TRPM6: variants seen among roughly 807,000 people sequenced by gnomAD.
The protein encoded by TRPM6 is transient receptor potential cation channel subfamily M member 6, also known as channel kinase 2.
TRPM6 carries 111 observed loss-of-function variants against 247.6 expected under a neutral mutation model. That is an observed-to-expected ratio of 0.45 (90% CI 0.38 to 0.52). TRPM6 has a LOEUF of 0.52. TRPM6 is among the 20% of genes least tolerant of loss of function. TRPM6 has a pLI of 0.00. For missense variants in TRPM6, 2,126 were observed against 2,421.5 expected, an observed-to-expected ratio of 0.88 and a Z score of 2.56; for synonymous variants, 892 against 853.8, an observed-to-expected ratio of 1.04 and a Z score of -0.78.
chr9:74,795,592 G>A (rs889694667), intron 18 of TRPM6, among the ~76,000 whole-genome samples: 8 of 152,084 alleles, frequency 5.3e-5, no homozygotes, highest in Non-Finnish European at 1.2e-4. Context: ...CGTCAAGTCA[G>A]GCTCAAACAC....
At chr9:74,787,563 A>G (rs1827737512) in intron 20 of TRPM6, among the ~76,000 whole-genome samples, 1 of 152,246 alleles carries the variant, frequency 6.6e-6, no homozygotes, top group African/African-American at 2.4e-5. Context: ...GTATAATTAC[A>G]AAGAAGTATA....
chr9:74,787,739 G>A (rs1019257092), intron 20 of TRPM6, among the ~76,000 whole-genome samples: 2 of 152,054 alleles, frequency 1.3e-5, no homozygotes, highest in African/African-American at 2.4e-5. Flanking sequence ...TGTTTGAGAC[G>A]GAGTCTCGCT....
intron 3 of TRPM6, among the ~76,000 whole-genome samples, chr9:74,850,762 A>G (rs1470032930): frequency 6.6e-6 from 1 of 152,160 alleles, no homozygotes; most frequent in Non-Finnish European, 1.5e-5. Flanking sequence ...GCAAAGTAAG[A>G]ATATTGGGGT....
chr9:74,802,206 C>A, intron 15 of TRPM6, 31 bp from the exon 16 acceptor site: 1 of 1,598,684 alleles, frequency 6.3e-7, no homozygotes, highest in South Asian at 1.1e-5. Context: ...AATGAGTTTT[C>A]AAATACTCAG....
rs1825233386 is a variant in TRPM6, at chr9:74,724,053, G to A, written c.*560C>T. On this transcript the variant is annotated 3_prime_UTR_variant, in exon 39 of 39. Transcript: ENST00000360774. ...ATTTCACCAGTATACTTGGTAGTTTGTGCAGGAATGTGCTCCAATCTGTGC... is the reference window on the plus strand; with the variant it reads ...ATTTCACCAGTATACTTGGTAGTTTATGCAGGAATGTGCTCCAATCTGTGC... The A allele has an allele frequency of 6.4e-6, 1 of 155,116 alleles. No homozygotes were observed. The highest frequency in any genetic ancestry group is 2.0e-4 in the South Asian group (1 of 5,100). 9.6% of individuals were successfully genotyped at this position (155,116 alleles called of 1,614,324 possible).
chr9:74,738,316 G>GC (rs1825757237), intron 36 of TRPM6, 91 bp downstream of exon 36: 2 of 1,340,112 alleles, frequency 1.5e-6, no homozygotes, highest in African/African-American at 2.9e-5. Context: ...GCTAAATAGA[G>GC]CAACTCCATA....
rs528136747 is a variant in TRPM6 at position 74,732,707 on chromosome 9, C to T, written c.5806G>A (p.Val1936Ile). Reference protein sequence around the residue: ...GVGENLTDPSVIKPEVKQSRG... With the variant: ...GVGENLTDPSIIKPEVKQSRG... ...TACTGTTTGACTTCAGGTTTTATAA[C>T]AGATGGATCTGTCAAATTTTCTCCA... is the stretch of plus-strand genomic sequence containing the variant. The change falls in exon 37 of 39, where the codon GTT (valine) becomes ATT (isoleucine). Residue 1936 changes from valine to isoleucine, a missense_variant. Val to Ile is a conservative substitution (Grantham distance 29, BLOSUM62 3). Around this residue, in one of 3 missense-constraint regions of TRPM6, gnomAD observed 327 missense variants for 397.7 expected, o/e 0.82. Coordinates refer to ENST00000360774, the MANE Select transcript of TRPM6 (RefSeq NM_017662.5). 5.3e-5 allele frequency: 86 copies of T among 1,609,080 alleles called. No homozygotes were observed. The highest frequency in any genetic ancestry group is 7.2e-5 in the Non-Finnish European group (85 of 1,177,560).
chr9:74,785,651 T>C (rs1827623970), intron 21 of TRPM6, among the ~76,000 whole-genome samples: 2 of 152,048 alleles, frequency 1.3e-5, no homozygotes, highest in Non-Finnish European at 1.5e-5. Flanking sequence ...GCCTCCTGAG[T>C]AGCTGGGACT....
intron 33 of TRPM6, 44 bp downstream of exon 33, chr9:74,742,517 C>G: frequency 6.4e-7 from 1 of 1,571,232 alleles, no homozygotes; most frequent in Non-Finnish European, 8.8e-7. Flanking sequence ...AGATTTTATG[C>G]CTCTGTCCTG....
chr9:74,804,107 G>A (rs1182965318), intron 14 of TRPM6, among the ~76,000 whole-genome samples: 1 of 152,040 alleles, frequency 6.6e-6, no homozygotes, highest in Non-Finnish European at 1.5e-5. Context: ...TGTGCATTTT[G>A]TTATTTCCTA....
intron 25 of TRPM6, 79 bp downstream of exon 25, chr9:74,771,624 T>A: frequency 2.8e-6 from 4 of 1,427,786 alleles, no homozygotes; most frequent in Non-Finnish European, 2.9e-6. Context: ...ATTTGAAAGA[T>A]CTTTCTACAC....
At chr9:74,746,313 T>G (rs1826045467) in intron 31 of TRPM6, among the ~76,000 whole-genome samples, 1 of 152,104 alleles carries the variant, frequency 6.6e-6, no homozygotes, top group South Asian at 2.1e-4. Flanking sequence ...AAAGATTTAC[T>G]GATAGATGGG....
chr9:74,791,818 C>A (rs1373074693), intron 19 of TRPM6, among the ~76,000 whole-genome samples: 4 of 152,262 alleles, frequency 2.6e-5, no homozygotes, highest in Non-Finnish European at 5.9e-5. Context: ...TGTAGCGGCG[C>A]AATCTCGGCT....
intron 2 of TRPM6, among the ~76,000 whole-genome samples, chr9:74,857,517 G>A (rs1830563337): frequency 6.6e-6 from 1 of 152,114 alleles, no homozygotes; most frequent in South Asian, 2.1e-4. Flanking sequence ...TTACCCAGAG[G>A]AATTTTCCAT....
chr9:74,884,637 C>A (rs986289212), intron 1 of TRPM6, among the ~76,000 whole-genome samples: 6 of 151,950 alleles, frequency 3.9e-5, no homozygotes, highest in African/African-American at 1.5e-4. Context: ...AGAAAGGGAA[C>A]TTTCTATTTG....
In TRPM6 at chr9:74,840,972, T is replaced by TA. The variant is rs555290932; in HGVS notation, c.331-736_331-735insT. Among the ~76,000 whole-genome samples the TA allele has an allele frequency of 3.3e-4, 51 of 152,300 alleles. No individual in the cohort carries two copies. The East Asian group carries it at 9.1e-3, about 27-fold the overall frequency. ...GAAATGGGATTTTTCATAAATGCTA[T>TA]GGCTTTCTGTTTACTTAATCATTTC... On this transcript the variant is annotated intron_variant, in intron 4 of 38. Coordinates refer to ENST00000360774, the MANE Select transcript of TRPM6 (RefSeq NM_017662.5).
chr9:74,831,979 C>T lies in TRPM6; in HGVS notation c.669+2019G>A, dbSNP rs558134299. 3.3e-5 allele frequency among the ~76,000 whole-genome samples: 5 copies of T among 152,254 alleles called. No homozygotes were observed. The East Asian group carries it at 9.6e-4, about 29-fold the overall frequency. ...AGGACATTATAATTAAATGTCATCA[C>T]GTTGGAACTCTGTTGAAATAATGAA... is the stretch of plus-strand genomic sequence containing the variant. On this transcript the variant is annotated intron_variant, in intron 6 of 38. Transcript: ENST00000360774.
intron 1 of TRPM6, among the ~76,000 whole-genome samples, chr9:74,861,130 T>C (rs1438898577): frequency 6.6e-6 from 1 of 152,212 alleles, no homozygotes; most frequent in Non-Finnish European, 1.5e-5. Context: ...TCTCCAAACA[T>C]TTATTAAATA....
intron 6 of TRPM6, among the ~76,000 whole-genome samples, chr9:74,831,267 G>A (rs1829537431): frequency 6.6e-6 from 1 of 152,022 alleles, no homozygotes; most frequent in African/African-American, 2.4e-5. Flanking sequence ...CGAAGTGGGT[G>A]GATCACAAGG....
Sources: gnomAD v4.1 joint callset for allele counts (sites outside exome capture counted in the v4.1 genomes callset) on GRCh38, gnomAD v4.1.1 for gene constraint, gnomAD v4.1.1 regional missense constraint, MANE v1.5 for transcripts, NCBI Gene and HGNC (gene_info 2026-07-23, HGNC 2026-07-21) for gene names.